The following IPO11 variants were observed in gnomAD, a reference collection of about 807,000 sequenced individuals.
The protein encoded by IPO11 is importin-11.
In IPO11, 66 loss-of-function variants were observed where a neutral mutation model predicts 143.2. The ratio of observed to expected loss-of-function variants is 0.46; its 90% CI spans 0.38 to 0.57. IPO11 has a LOEUF of 0.57. Ranked by LOEUF, IPO11 falls within the 20% of genes least tolerant of loss-of-function variation. The probability of loss-of-function intolerance (pLI) is 0.00; values close to 1 mark genes in which losing one functional copy is unlikely to be tolerated. For missense variants in IPO11, 1,026 were observed against 1,141.0 expected (o/e 0.90, Z 1.45); for synonymous variants, 385 against 377.8 (o/e 1.02, Z -0.22).
chr5:62,435,018 C>T (rs1367598346), intron 1 of IPO11, among the ~76,000 whole-genome samples: 2 of 144,710 alleles, frequency 1.4e-5, no homozygotes, highest in Non-Finnish European at 3.0e-5. Context: ...GAGTGAGACG[C>T]TGTCTCAAAA....
chr5:62,573,946 G>A (rs543012360), intron 27 of IPO11, among the ~76,000 whole-genome samples: 158 of 152,286 alleles, frequency 1.0e-3, no homozygotes, highest in African/African-American at 3.6e-3. Flanking sequence ...CTTTCCTTCT[G>A]TAACATCTCT....
At chr5:62,541,310 G>T (rs1174527239) in intron 24 of IPO11, among the ~76,000 whole-genome samples, 3 of 151,746 alleles carry the variant, frequency 2.0e-5, no homozygotes, top group East Asian at 1.9e-4. Context: ...GGCAGAGGTT[G>T]TGGTGAGCCG....
chr5:62,436,060 T>A (rs1357609972), intron 1 of IPO11, among the ~76,000 whole-genome samples: 1 of 152,158 alleles, frequency 6.6e-6, no homozygotes, highest in Admixed American at 6.6e-5. Context: ...TTAATCCAAC[T>A]CTATCAGTAA....
chr5:62,497,258 T>G (rs1225933020), intron 16 of IPO11, among the ~76,000 whole-genome samples: 1 of 152,192 alleles, frequency 6.6e-6, no homozygotes, highest in East Asian at 1.9e-4. Context: ...GGCAAGAATT[T>G]TGTCAATAAA....
At chr5:62,577,210 T>TA (rs944791194) in intron 27 of IPO11, among the ~76,000 whole-genome samples, 1 of 152,182 alleles carries the variant, frequency 6.6e-6, no homozygotes, top group Non-Finnish European at 1.5e-5. Context: ...ACCTGAGAGT[T>TA]ACAGTGTACT....
chr5:62,416,887 G>A (rs1369384923), intron 1 of IPO11, among the ~76,000 whole-genome samples: 1 of 151,804 alleles, frequency 6.6e-6, no homozygotes, highest in Non-Finnish European at 1.5e-5. Context: ...AGGCCACCAT[G>A]CTTGGCTAAT....
At chr5:62,487,318 C>T (rs1354802002) in intron 12 of IPO11, among the ~76,000 whole-genome samples, 1 of 151,982 alleles carries the variant, frequency 6.6e-6, no homozygotes, top group Admixed American at 6.6e-5. Context: ...ATCGCTTGAA[C>T]CTGGGAGGTG....
Position 62,504,758 on chromosome 5 carries a change from A to G in IPO11, c.1624+58A>G, listed in dbSNP as rs1236205880. 7 of 1,355,866 alleles carry G rather than the reference A, an allele frequency of 5.2e-6. No homozygotes were observed. In the Middle Eastern group the frequency reaches 8.1e-4, roughly 156 times the overall value. 84.0% of individuals were successfully genotyped at this position (1,355,866 alleles called of 1,614,324 possible). A position where few individuals can be genotyped will look rare whatever the true frequency, so the allele number is the denominator to read the frequency against. ...GCAAAGAACTTTAACACTTTTAATT[A>G]TTATTTATTTTGTGAAATTAATTTA... On this transcript the variant is annotated intron_variant, in intron 17 of 29. Coordinates refer to ENST00000325324, the MANE Select transcript of IPO11 (RefSeq NM_016338.5).
chr5:62,419,651 A>AAAAC (rs1390646044), intron 1 of IPO11, among the ~76,000 whole-genome samples: 1 of 151,996 alleles, frequency 6.6e-6, no homozygotes. Context: ...AGGCTGTTTT[A>AAAAC]CAGTTAACTT....
At chr5:62,419,088 T>C (rs998203988) in intron 1 of IPO11, 1 of 1,551,010 alleles carries the variant, frequency 6.4e-7, no homozygotes, top group Non-Finnish European at 8.7e-7. Context: ...CTGTACAGCA[T>C]GTTACTGCAC....
chr5:62,569,211 C>A (rs183809597), intron 27 of IPO11, among the ~76,000 whole-genome samples: 1 of 152,144 alleles, frequency 6.6e-6, no homozygotes, highest in Non-Finnish European at 1.5e-5. Flanking sequence ...CTCTCTCCCC[C>A]AAGCACACAG....
intron 27 of IPO11, chr5:62,581,448 T>A (rs1170975002): frequency 1.4e-6 from 1 of 703,672 alleles, no homozygotes; most frequent in African/African-American, 1.9e-5. Flanking sequence ...TTTTAATAAT[T>A]TGTGAACAGT....
chr5:62,530,525 A>G (rs1200771993), intron 21 of IPO11, among the ~76,000 whole-genome samples, 184 bp from the exon 22 acceptor site: 2 of 152,214 alleles, frequency 1.3e-5, no homozygotes, highest in East Asian at 1.9e-4. Flanking sequence ...AATATTACAT[A>G]ATTTGCAGAC....
At chr5:62,619,386 AAAAAAGAAT>A (rs1181921532) in intron 29 of IPO11, among the ~76,000 whole-genome samples, 3 of 152,242 alleles carry the variant, frequency 2.0e-5, no homozygotes, top group Non-Finnish European at 4.4e-5. Flanking sequence ...TAGAACCTAG[AAAAAAGAAT>A]AAAAAGAATA....
chr5:62,580,454 C>T, intron 27 of IPO11: 1 of 1,551,370 alleles, frequency 6.4e-7, no homozygotes, highest in Non-Finnish European at 8.7e-7. Context: ...AATCTTACAG[C>T]CTTGCATCCA....
Position 62,442,970 on chromosome 5 carries a change from T to G in IPO11, c.139-13T>G, listed in dbSNP as rs1007826895. On this transcript the variant is annotated splice_polypyrimidine_tract_variant and intron_variant, in intron 2 of 29. Transcript: ENST00000325324. ...TTCCATGCTAATTCTAATATTATGT[T>G]TTTTATTTATAGAATATTTTCACCA... 6.8e-7 allele frequency: 1 copy of G among 1,467,006 alleles called. No individual in the cohort carries two copies. The highest frequency in any genetic ancestry group is 9.4e-7 in the Non-Finnish European group (1 of 1,058,422). 90.9% of individuals were successfully genotyped at this position (1,467,006 alleles called of 1,614,324 possible). A position where few individuals can be genotyped will look rare whatever the true frequency, so the allele number is the denominator to read the frequency against.
At position 62,451,929 on chromosome 5, in the gene IPO11, A is replaced by G. The variant is rs1045358612; in HGVS notation, c.512A>G (p.Tyr171Cys). The change falls in exon 5 of 30, where the codon TAT (tyrosine) becomes TGT (cysteine). Residue 171 changes from tyrosine to cysteine, a missense_variant. Tyr to Cys is a radical substitution (Grantham distance 194). Around this residue, in one of 5 missense-constraint regions of IPO11, gnomAD observed 429 missense variants for 456.3 expected, o/e 0.94. Transcript: ENST00000325324. Reference protein sequence around the residue: ...KRLAADRKLFYDLASGIYNFA... With the variant: ...KRLAADRKLFCDLASGIYNFA... ...CTTGCTGCTGATAGAAAACTATTTT[A>G]TGATGTAAGTGATTTCACATAGTTA... 3.4e-5 allele frequency: 54 copies of G among 1,610,016 alleles called. No individual in the cohort carries two copies. The highest frequency in any genetic ancestry group is 4.6e-5 in the Non-Finnish European group (54 of 1,176,364).
chr5:62,556,963 G>C (rs1006914702), intron 26 of IPO11, among the ~76,000 whole-genome samples: 2 of 151,994 alleles, frequency 1.3e-5, no homozygotes, highest in Non-Finnish European at 2.9e-5. Context: ...ACTTCTACTT[G>C]ATGAGGGCTC....
intron 7 of IPO11, among the ~76,000 whole-genome samples, chr5:62,473,886 C>T (rs1285526516): frequency 6.6e-6 from 1 of 152,030 alleles, no homozygotes; most frequent in African/African-American, 2.4e-5. Flanking sequence ...ATCTGAGGAC[C>T]AATGTGTCAT....
Sources: gnomAD v4.1 joint callset for allele counts (sites outside exome capture counted in the v4.1 genomes callset) on GRCh38, gnomAD v4.1.1 for gene constraint, gnomAD v4.1.1 regional missense constraint, MANE v1.5 for transcripts, NCBI Gene and HGNC (gene_info 2026-07-23, HGNC 2026-07-21) for gene names.